The following SLC4A1AP variants were observed in gnomAD, a reference collection of about 807,000 sequenced individuals.
SLC4A1AP encodes solute carrier family 4 member 1 adaptor protein, also known as kanadaptin.
Under a neutral mutation model 89.7 loss-of-function variants are expected in SLC4A1AP, and 64 were observed. The observed-to-expected ratio is 0.71, with a 90% CI of 0.58 to 0.88. The LOEUF (loss-of-function observed/expected upper bound fraction) is 0.88, where lower values mean the gene tolerates loss of function less well. Ranked by LOEUF, SLC4A1AP falls within the 40% of genes least tolerant of loss-of-function variation. The probability of loss-of-function intolerance (pLI) is 0.00; values close to 1 mark genes in which losing one functional copy is unlikely to be tolerated. For missense variants in SLC4A1AP, 931 were observed against 965.0 expected, an observed-to-expected ratio of 0.96 and a Z score of 0.47; for synonymous variants, 366 against 353.3, an observed-to-expected ratio of 1.04 and a Z score of -0.40.
intron 8 of SLC4A1AP, among the ~76,000 whole-genome samples, chr2:27,681,123 T>C (rs1675611720): frequency 2.0e-5 from 3 of 152,222 alleles, no homozygotes; most frequent in Admixed American, 2.0e-4. Flanking sequence ...GGCTTTTTAA[T>C]GTAGCTGAAA....
At chr2:27,689,798 G>T (rs1268225107) in intron 12 of SLC4A1AP, among the ~76,000 whole-genome samples, 2 of 152,190 alleles carry the variant, frequency 1.3e-5, no homozygotes, top group Non-Finnish European at 2.9e-5. Flanking sequence ...TGGATTCCCA[G>T]ATGCCAGCCA....
rs1184112147 is a variant in SLC4A1AP, at chr2:27,663,934, AGTCAGAGACCCTG to A, written c.184_196del (p.Ser62ArgfsTer104). The A allele has an allele frequency of 1.9e-6, 3 of 1,614,046 alleles. No individual in the cohort carries two copies. Among genetic ancestry groups the A allele is most frequent in the Non-Finnish European group, 2.5e-6 (3 of 1,180,028 alleles). ...TTGAGGATGGCTGACATTCTCTCTC[AGTCAGAGACCCTG>A]GCGTCGCAAGACCTCAGTGGGGACT... On this transcript the variant is annotated frameshift_variant, in exon 1 of 14. Transcript: ENST00000613058. LOFTEE classifies it high-confidence loss of function.
At chr2:27,688,144 A>C in intron 11 of SLC4A1AP, 124 bp downstream of exon 11, 1 of 696,856 alleles carries the variant, frequency 1.4e-6, no homozygotes. Flanking sequence ...TGTTGCCACT[A>C]GGCCCCTGGA....
Position 27,665,278 on chromosome 2 carries a change from GTTGC to G in SLC4A1AP, c.1005_1008del (p.Cys336ProfsTer9), listed in dbSNP as rs566826239. ...GCTGGTAGCCAAGATGATGAGATGG[GTTGC>G]ACCTGGGGAATGGGTAAGAAATTAA... is the stretch of plus-strand genomic sequence containing the variant. On this transcript the variant is annotated frameshift_variant, in exon 2 of 14. Coordinates refer to ENST00000613058, the Ensembl canonical transcript of SLC4A1AP. LOFTEE classifies it high-confidence loss of function. The G allele has an allele frequency of 7.5e-6, 12 of 1,607,294 alleles. No homozygotes were observed. The highest frequency in any genetic ancestry group is 1.0e-5 in the Non-Finnish European group (12 of 1,177,318).
intron 12 of SLC4A1AP, among the ~76,000 whole-genome samples, chr2:27,691,281 G>A (rs1023039068): frequency 6.6e-6 from 1 of 151,978 alleles, no homozygotes; most frequent in African/African-American, 2.4e-5. Context: ...GGAGGGTTGT[G>A]TGTTTCCAGG....
exon 12 of SLC4A1AP, chr2:27,688,707 G>T: frequency 6.3e-7 from 1 of 1,593,454 alleles, no homozygotes; most frequent in African/African-American, 1.4e-5. Context: ...TAGCATCAAA[G>T]AATGAATATG....
At chr2:27,694,774 G>C in exon 14 of SLC4A1AP, 1 of 1,029,560 alleles carries the variant, frequency 9.7e-7, no homozygotes, top group Admixed American at 2.1e-5. Context: ...GAGAAGTTTA[G>C]ATGATTATTT....
chr2:27,678,434 G>T (rs979758139), intron 8 of SLC4A1AP, among the ~76,000 whole-genome samples: 2 of 152,026 alleles, frequency 1.3e-5, no homozygotes, highest in African/African-American at 4.8e-5. Flanking sequence ...TTGGGAAGCC[G>T]AGGTAGGAGG....
At chr2:27,673,500 G>A (rs1443736502) in intron 5 of SLC4A1AP, among the ~76,000 whole-genome samples, 3 of 130,312 alleles carry the variant, frequency 2.3e-5, no homozygotes, top group Non-Finnish European at 4.7e-5. Context: ...TTTCCTCTAT[G>A]CTGCCCAGAT....
chr2:27,666,370 CCA>C lies in SLC4A1AP; in HGVS notation c.1022-896_1022-895del, dbSNP rs1166476407. Among the ~76,000 whole-genome samples the C allele has an allele frequency of 3.1e-3, 113 of 36,362 alleles. 17 individuals carry two copies. The highest frequency in any genetic ancestry group is 8.4e-3 in the African/African-American group (90 of 10,678). 23.9% of individuals were successfully genotyped at this position (36,362 alleles called of 152,430 possible). On this transcript the variant is annotated intron_variant, in intron 2 of 13. Coordinates refer to ENST00000613058, the Ensembl canonical transcript of SLC4A1AP. ...GTGATCCACCCCCCACCCCCCCCCC[CCA>C]CCCCGCCCCCCGGCCTCCCAAAGTG...
At chr2:27,679,377 C>T (rs145632102) in intron 8 of SLC4A1AP, among the ~76,000 whole-genome samples, 3,589 of 152,124 alleles carry the variant, frequency 0.024, 144 homozygotes, top group African/African-American at 0.082. Flanking sequence ...CTGAGCTGGG[C>T]GGATCACGAG....
chr2:27,668,687 C>G (rs1464829641), intron 3 of SLC4A1AP, 156 bp from the exon 4 acceptor site: 1 of 734,546 alleles, frequency 1.4e-6, no homozygotes, highest in Non-Finnish European at 2.4e-6. Flanking sequence ...TTAACTCAAG[C>G]TGTCATCCCG....
At position 27,666,408 on chromosome 2, in the gene SLC4A1AP, A is replaced by G. The variant is rs917582398; in HGVS notation, c.1022-860A>G. 5.0e-5 allele frequency among the ~76,000 whole-genome samples: 6 copies of G among 120,044 alleles called. No homozygotes were observed. In the Admixed American group the frequency reaches 6.2e-4, roughly 12 times the overall value. The allele number at this position is 120,044 out of a possible 152,430, so 78.8% of individuals were successfully genotyped here. On this transcript the variant is annotated intron_variant, in intron 2 of 13. Transcript: ENST00000613058. The stretch of plus-strand genomic sequence containing the variant: ...CGGCCTCCCAAAGTGTAGAGATTAC[A>G]GGCGTGAGCGATCGCACTCCACAGG...
chr2:27,675,761 TA>T, intron 6 of SLC4A1AP, 69 bp downstream of exon 6: 1 of 1,008,996 alleles, frequency 9.9e-7, no homozygotes, highest in Non-Finnish European at 1.3e-6. Context: ...ATGTATTATT[TA>T]AATATGTTTT....
At chr2:27,694,529 C>A in intron 13 of SLC4A1AP, 105 bp from the exon 14 acceptor site, 1 of 741,650 alleles carries the variant, frequency 1.3e-6, no homozygotes, top group South Asian at 3.4e-5. Flanking sequence ...GTAGAATAAA[C>A]CTTTTTGTCT....
rs767360327 is a variant in SLC4A1AP, at chr2:27,667,316, A to C, written c.1070A>C (p.Glu357Ala). 28 of 1,613,594 alleles carry C rather than the reference A, an allele frequency of 1.7e-5. No individual in the cohort carries two copies. The Admixed American group carries it at 4.7e-4, about 27-fold the overall frequency. Reference sequence around the variant, plus strand: ...GCTGAAGAGAACCCTATTGTCTTAGAGTTTCAGCAGGAAAGGGAGGCCTTT... The same window carrying C: ...GCTGAAGAGAACCCTATTGTCTTAGCGTTTCAGCAGGAAAGGGAGGCCTTT... Residue 357 changes from glutamate to alanine, a missense_variant, in exon 3 of 14, where the codon GAG becomes GCG. Glu to Ala is a moderately radical substitution (Grantham distance 107). Coordinates refer to ENST00000613058, the Ensembl canonical transcript of SLC4A1AP.
intron 12 of SLC4A1AP, 65 bp downstream of exon 12, chr2:27,688,832 T>C: frequency 8.1e-7 from 1 of 1,237,046 alleles, no homozygotes; most frequent in South Asian, 1.3e-5. Context: ...TCCAGAAAAG[T>C]GAATCTTTGG....
At chr2:27,686,165 T>C (rs780469746) in intron 10 of SLC4A1AP, among the ~76,000 whole-genome samples, 19 of 152,206 alleles carry the variant, frequency 1.2e-4, no homozygotes, top group Non-Finnish European at 2.4e-4. Context: ...CAAACCAGGC[T>C]TGGCTACATA....
At chr2:27,668,637 A>G (rs923181315) in intron 3 of SLC4A1AP, 3 of 690,816 alleles carry the variant, frequency 4.3e-6, no homozygotes, top group African/African-American at 1.8e-5. Context: ...TTTTGTACAG[A>G]TGGGGTTTTG....
Sources: allele counts gnomAD v4.1 joint callset (sites outside exome capture counted in the v4.1 genomes callset), GRCh38; gene constraint gnomAD v4.1.1; transcripts MANE v1.5; gene names NCBI Gene and HGNC (gene_info 2026-07-23, HGNC 2026-07-21).